EZH2: variants seen among roughly 807,000 people sequenced by gnomAD.
EZH2 encodes the protein histone-lysine N-methyltransferase EZH2.
EZH2 carries 18 observed loss-of-function variants against 98.4 expected under a neutral mutation model. The ratio of observed to expected loss-of-function variants is 0.18; its 90% CI spans 0.13 to 0.27. The LOEUF (loss-of-function observed/expected upper bound fraction) is 0.27. Among genes scored for constraint, EZH2 ranks in the 10% least tolerant of loss-of-function variants. The pLI, the probability that EZH2 is intolerant of heterozygous loss-of-function variation, is 1.00. For synonymous variants in EZH2, 338 were observed against 312.3 expected, an observed-to-expected ratio of 1.08 and a Z score of -0.87; for missense variants, 470 against 935.1, an observed-to-expected ratio of 0.50 and a Z score of 6.49.
At chr7:148,825,524 A>T (rs1252656680) in intron 8 of EZH2, among the ~76,000 whole-genome samples, 1 of 152,254 alleles carries the variant, frequency 6.6e-6, no homozygotes, top group African/African-American at 2.4e-5. Flanking sequence ...CAGCAAAAAC[A>T]AGTAGAGCAA....
chr7:148,841,564 T>C (rs576766461), intron 3 of EZH2, among the ~76,000 whole-genome samples: 6 of 152,310 alleles, frequency 3.9e-5, no homozygotes, highest in African/African-American at 1.2e-4. Flanking sequence ...CTTTCTGCCA[T>C]ATTTGCTCAA....
chr7:148,830,917 T>G (rs113167592), intron 4 of EZH2, among the ~76,000 whole-genome samples: 34 of 152,330 alleles, frequency 2.2e-4, no homozygotes, highest in African/African-American at 8.2e-4. Context: ...AAGACAAGTC[T>G]AAGTCTTAAG....
At chr7:148,838,732 T>G (rs1017276591) in intron 3 of EZH2, among the ~76,000 whole-genome samples, 1 of 152,166 alleles carries the variant, frequency 6.6e-6, no homozygotes, top group Non-Finnish European at 1.5e-5. Flanking sequence ...GATCTGGGTT[T>G]AATACTACAA....
At chr7:148,822,922 A>G (rs1806584641) in intron 8 of EZH2, among the ~76,000 whole-genome samples, 1 of 152,228 alleles carries the variant, frequency 6.6e-6, no homozygotes, top group Non-Finnish European at 1.5e-5. Context: ...AGCCTGGGCG[A>G]CAGAGCGAGA....
chr7:148,848,949 G>A (rs1814938517), intron 1 of EZH2, among the ~76,000 whole-genome samples: 1 of 151,752 alleles, frequency 6.6e-6, no homozygotes, highest in Non-Finnish European at 1.5e-5. Flanking sequence ...CTGGCTTCCT[G>A]GGATATAAGA....
At chr7:148,833,221 G>A (rs1809875697) in intron 3 of EZH2, among the ~76,000 whole-genome samples, 1 of 152,124 alleles carries the variant, frequency 6.6e-6, no homozygotes, top group African/African-American at 2.4e-5. Flanking sequence ...CACTTTGGGA[G>A]GCCGAGACGG....
In EZH2 at chr7:148,810,357, T is replaced by C; in HGVS notation, c.2005A>G (p.Ser669Gly). ...CCATTGTTCAAGTTGAACAGAAAGC[T>C]GCACATGTATTTATCATACACTTTC... ...RGKVYDKYMC[S>G]FLFNLNNDFV... Residue 669 changes from serine (S) to glycine (G), a missense_variant, in exon 17 of 20, where the codon AGC becomes GGC. Coordinates refer to ENST00000320356, the MANE Select transcript of EZH2 (RefSeq NM_004456.5). 1 of 1,610,952 alleles carries C rather than the reference T, an allele frequency of 6.2e-7. No homozygotes were observed. The highest frequency in any genetic ancestry group is 8.5e-7 in the Non-Finnish European group (1 of 1,177,376).
Position 148,847,171 on chromosome 7 carries a change from T to A in EZH2, c.117+11A>T. 6.3e-7 allele frequency: 1 copy of A among 1,595,556 alleles called. No homozygotes were observed. The highest frequency in any genetic ancestry group is 8.5e-7 in the Non-Finnish European group (1 of 1,174,558). ...ATTGTATATTCATTTTCACAAAAGA[T>A]AAAATTATACCTTTACTTCATCAGC... On this transcript the variant is annotated intron_variant, in intron 2 of 19. Coordinates refer to ENST00000320356, the MANE Select transcript of EZH2 (RefSeq NM_004456.5).
intron 8 of EZH2, among the ~76,000 whole-genome samples, chr7:148,823,708 T>TG (rs1047642494): frequency 6.6e-6 from 1 of 151,458 alleles, no homozygotes; most frequent in African/African-American, 2.4e-5. Context: ...TGGAGTACAG[T>TG]GGCATGATCA....
intron 3 of EZH2, among the ~76,000 whole-genome samples, chr7:148,842,451 G>A (rs140779801): frequency 3.3e-4 from 50 of 152,236 alleles, no homozygotes; most frequent in Admixed American, 2.2e-3. Flanking sequence ...ACAGAACATA[G>A]TTATTACTGG....
intron 3 of EZH2, among the ~76,000 whole-genome samples, chr7:148,838,624 G>GA (rs2129482341): frequency 6.6e-6 from 1 of 152,270 alleles, no homozygotes; most frequent in African/African-American, 2.4e-5. Flanking sequence ...GTCATTGGGG[G>GA]AAAAATCAAC....
At chr7:148,859,768 G>T (rs1817398120) in intron 1 of EZH2, among the ~76,000 whole-genome samples, 2 of 152,136 alleles carry the variant, frequency 1.3e-5, no homozygotes, top group Non-Finnish European at 2.9e-5. Context: ...AAAGATTCCA[G>T]AAATAATTAG....
chr7:148,877,755 T>TC (rs778649618), intron 1 of EZH2, among the ~76,000 whole-genome samples: 36 of 152,216 alleles, frequency 2.4e-4, no homozygotes, highest in Non-Finnish European at 4.4e-4. Flanking sequence ...CTTTAGTCTG[T>TC]CTAGGGTTTC....
intron 3 of EZH2, among the ~76,000 whole-genome samples, chr7:148,833,988 C>T (rs1810163566): frequency 6.6e-6 from 1 of 152,052 alleles, no homozygotes; most frequent in African/African-American, 2.4e-5. Flanking sequence ...ATGATGACAG[C>T]GATTTCAAGG....
intron 3 of EZH2, among the ~76,000 whole-genome samples, chr7:148,839,167 T>C (rs771258462): frequency 6.6e-6 from 1 of 152,072 alleles, no homozygotes; most frequent in African/African-American, 2.4e-5. Context: ...CAGGTCTTGC[T>C]CGAGTGGTAG....
rs1805460186 is a variant in EZH2 at position 148,819,640 on chromosome 7, C to G, written c.955G>C (p.Ala319Pro). 6.2e-7 allele frequency: 1 copy of G among 1,614,114 alleles called. No homozygotes were observed. Among genetic ancestry groups the G allele is most frequent in the Non-Finnish European group, 8.5e-7 (1 of 1,179,968 alleles). ...NTYKRKNTET[A>P]LDNKPCGPQC... ...GGTCCACAAGGTTTGTTGTCTAGAG[C>G]TGTTTCTGTGTTCTTCCGCTTATAA... is the stretch of plus-strand genomic sequence containing the variant. The change falls in exon 9 of 20, where the codon GCT (alanine) becomes CCT (proline). Residue 319 changes from alanine (A) to proline (P), a missense_variant. Coordinates refer to ENST00000320356, the MANE Select transcript of EZH2 (RefSeq NM_004456.5).
chr7:148,858,917 A>C (rs1817253413), intron 1 of EZH2, among the ~76,000 whole-genome samples: 1 of 152,208 alleles, frequency 6.6e-6, no homozygotes, highest in Non-Finnish European at 1.5e-5. Flanking sequence ...CTGAACTTGT[A>C]CTGATCAAAC....
Position 148,869,555 on chromosome 7 carries a change from C to T in EZH2, c.-8+14609G>A, listed in dbSNP as rs572313088. 3.3e-5 allele frequency among the ~76,000 whole-genome samples: 5 copies of T among 152,176 alleles called. No individual in the cohort carries two copies. In the East Asian group the frequency reaches 9.7e-4, roughly 29 times the overall value. On this transcript the variant is annotated intron_variant, in intron 1 of 19. Coordinates refer to ENST00000320356, the MANE Select transcript of EZH2 (RefSeq NM_004456.5). ...GCCTCACTTTGTTGTCCAGGCTGGT[C>T]TTGAACTCCTGGGCTCAAGCAATCC...
Position 148,819,796 on chromosome 7 carries a change from T to C in EZH2, c.908-109A>G, listed in dbSNP as rs917319929. ...TTAATGGATTATAATCTTGCTAATA[T>C]GTGGTTTACGTTACTTCATACAACT... On this transcript the variant is annotated intron_variant, in intron 8 of 19. Transcript: ENST00000320356. 10 of 948,384 alleles carry C rather than the reference T, an allele frequency of 1.1e-5. No individual in the cohort carries two copies. The African/African-American group carries it at 1.3e-4, about 13-fold the overall frequency. The allele number at this position is 948,384 out of a possible 1,614,324, so 58.7% of individuals were successfully genotyped here.
Sources: gnomAD v4.1 joint callset for allele counts (sites outside exome capture counted in the v4.1 genomes callset) on GRCh38, gnomAD v4.1.1 for gene constraint, MANE v1.5 for transcripts, NCBI Gene and HGNC (gene_info 2026-07-23, HGNC 2026-07-21) for gene names.